FKBP14: variants seen among roughly 807,000 people sequenced by gnomAD.
The protein encoded by FKBP14 is peptidyl-prolyl cis-trans isomerase FKBP14.
Under a neutral mutation model 21.6 loss-of-function variants are expected in FKBP14, and 20 were observed. That is an observed-to-expected ratio of 0.92 (90% confidence interval 0.65 to 1.34). The LOEUF (loss-of-function observed/expected upper bound fraction) is 1.34. FKBP14 is among the 40% of genes most tolerant of loss of function. The pLI is 0.00. For missense variants in FKBP14, 253 were observed against 249.0 expected, an observed-to-expected ratio of 1.02 and a Z score of -0.11; for synonymous variants, 79 against 86.7, an observed-to-expected ratio of 0.91 and a Z score of 0.49.
chr7:30,015,888 G>T (rs975181224), intron 3 of FKBP14, among the ~76,000 whole-genome samples: 1 of 151,908 alleles, frequency 6.6e-6, no homozygotes, highest in African/African-American at 2.4e-5. Flanking sequence ...GCCTCCCAAA[G>T]TGCTGGGATT....
intron 3 of FKBP14, among the ~76,000 whole-genome samples, 155 bp downstream of exon 3, chr7:30,018,841 T>A (rs1395450082): frequency 6.6e-6 from 1 of 152,244 alleles, no homozygotes; most frequent in Non-Finnish European, 1.5e-5. Context: ...AGCATCAGTA[T>A]TTTAAGAAAA....
chr7:30,024,240 G>A (rs1790112732), intron 1 of FKBP14, among the ~76,000 whole-genome samples: 3 of 152,174 alleles, frequency 2.0e-5, no homozygotes, highest in Admixed American at 2.0e-4. Context: ...AATGCCAACT[G>A]TAGAAAATTT....
At chr7:30,024,752 G>A (rs930713666) in intron 1 of FKBP14, among the ~76,000 whole-genome samples, 13 of 152,172 alleles carry the variant, frequency 8.5e-5, no homozygotes, top group Non-Finnish European at 1.8e-4. Flanking sequence ...CCATTTACAT[G>A]GAGGCTGCAT....
In FKBP14 at chr7:30,010,673, C is replaced by T. The variant is rs1789699926; in HGVS notation, c.*4062G>A. 6.6e-6 allele frequency: 1 copy of T among 152,098 alleles called. No homozygotes were observed. The highest frequency in any genetic ancestry group is 1.5e-5 in the Non-Finnish European group (1 of 68,028). The allele number at this position is 152,098 out of a possible 1,614,324, so 9.4% of individuals were successfully genotyped here. ...TATGGCACACTGAGCAGTATTGACG[C>T]AAATTATATAGTCATGTAACCATGT... is the stretch of plus-strand genomic sequence containing the variant. On this transcript the variant is annotated 3_prime_UTR_variant, in exon 4 of 4. Coordinates refer to ENST00000222803, the MANE Select transcript of FKBP14 (RefSeq NM_017946.4).
intron 3 of FKBP14, among the ~76,000 whole-genome samples, chr7:30,017,337 A>T (rs1340720937): frequency 2.0e-5 from 3 of 152,026 alleles, no homozygotes; most frequent in African/African-American, 7.2e-5. Context: ...TTGGGAGGCC[A>T]AGGCAGGCGG....
downstream of FKBP14, among the ~76,000 whole-genome samples, chr7:30,010,349 A>G (rs1194018337): frequency 6.6e-6 from 1 of 152,224 alleles, no homozygotes; most frequent in Non-Finnish European, 1.5e-5. Flanking sequence ...ACTATTAACT[A>G]TCATGCTAAA....
intron 3 of FKBP14, among the ~76,000 whole-genome samples, chr7:30,017,824 C>T (rs191057827): frequency 6.6e-6 from 1 of 152,090 alleles, no homozygotes; most frequent in African/African-American, 2.4e-5. Context: ...ACCAGCCTGG[C>T]CAATATGGTG....
chr7:30,017,942 G>C (rs903289338), intron 3 of FKBP14, among the ~76,000 whole-genome samples: 1 of 152,058 alleles, frequency 6.6e-6, no homozygotes, highest in Non-Finnish European at 1.5e-5. Context: ...GTTGCAGTGA[G>C]CCGAGATTTT....
In FKBP14 at chr7:30,014,426, G is replaced by A. The variant is rs1348415420; in HGVS notation, c.*309C>T. On this transcript the variant is annotated 3_prime_UTR_variant, in exon 4 of 4. Coordinates refer to ENST00000222803, the MANE Select transcript of FKBP14 (RefSeq NM_017946.4). ...TTGTGCTATAACCTGGTCTCATGTC[G>A]TGGTATATTCCCAGTTGCAACATTT... The A allele has an allele frequency of 2.8e-5, 5 of 176,650 alleles. No individual in the cohort carries two copies. Among genetic ancestry groups the A allele is most frequent in the South Asian group, 3.9e-4 (2 of 5,190 alleles). The allele number at this position is 176,650 out of a possible 1,614,324, so 10.9% of individuals were successfully genotyped here.
At chr7:30,006,225 A>C (rs1789611102), downstream of FKBP14, among the ~76,000 whole-genome samples, 1 of 151,194 alleles carries the variant, frequency 6.6e-6, no homozygotes, top group Admixed American at 6.6e-5. Context: ...GGGCTCAAGC[A>C]ATCTTCCCAT....
At position 30,011,549 on chromosome 7, in the gene FKBP14, C is replaced by CTATATATATATATACCATATATATGG. The variant is rs1562834323; in HGVS notation, c.*3160_*3185dup. On this transcript the variant is annotated 3_prime_UTR_variant, in exon 4 of 4. Transcript: ENST00000222803. ...TATACACACACCATATATATATATA[C>CTATATATATATATACCATATATATGG]TATATATATATATACCATATATATG... 1.6e-4 allele frequency: 20 copies of CTATATATATATATACCATATATATGG among 125,396 alleles called. No individual in the cohort carries two copies. The highest frequency in any genetic ancestry group is 5.8e-4 in the African/African-American group (19 of 32,680). 7.8% of individuals were successfully genotyped at this position (125,396 alleles called of 1,614,324 possible).
intron 3 of FKBP14, among the ~76,000 whole-genome samples, chr7:30,015,415 CAAAAAAAT>C (rs1381017176): frequency 7.5e-5 from 11 of 147,466 alleles, no homozygotes; most frequent in Admixed American, 3.4e-4. Context: ...GAGACTCTGT[CAAAAAAAT>C]AAAAAATTAA....
rs974347448 is a variant in FKBP14, at chr7:30,020,292, A to G, written c.350-1169T>C. 5 of 1,285,354 alleles carry G rather than the reference A, an allele frequency of 3.9e-6. No individual in the cohort carries two copies. The South Asian group carries it at 5.1e-5, about 13-fold the overall frequency. 79.6% of individuals were successfully genotyped at this position (1,285,354 alleles called of 1,614,324 possible). A position where few individuals can be genotyped will look rare whatever the true frequency, so the allele number is the denominator to read the frequency against. ...ATCTTTCCAAAAGAGGCATGCAAGCATGTACTAAAAGACTACAAAATTAGT... is the reference window on the plus strand; with the variant it reads ...ATCTTTCCAAAAGAGGCATGCAAGCGTGTACTAAAAGACTACAAAATTAGT... On this transcript the variant is annotated intron_variant, in intron 2 of 3. Transcript: ENST00000222803.
At chr7:30,007,825 G>A (rs1450107200), downstream of FKBP14, among the ~76,000 whole-genome samples, 2 of 152,198 alleles carry the variant, frequency 1.3e-5, no homozygotes, top group African/African-American at 4.8e-5. Flanking sequence ...GAGGTGGGGG[G>A]ATCACTTGAG....
intron 1 of FKBP14, among the ~76,000 whole-genome samples, 165 bp from the exon 2 acceptor site, chr7:30,022,981 G>A (rs1473407294): frequency 6.6e-6 from 1 of 152,144 alleles, no homozygotes; most frequent in Non-Finnish European, 1.5e-5. Context: ...CAAGTTTATA[G>A]GAATTCAATT....
rs754540940 is a variant in FKBP14, at chr7:30,019,017, GTCA to G, written c.453_455del (p.Asp152del). The G allele has an allele frequency of 6.2e-7, 1 of 1,609,338 alleles. No homozygotes were observed. The highest frequency in any genetic ancestry group is 1.1e-5 in the South Asian group (1 of 90,010). ...TCACCTCATCTTTAGAGAGTTTCCA[GTCA>G]TCATTAAGATCCATTTCTTGGAATG... is the stretch of plus-strand genomic sequence containing the variant. On this transcript the variant is annotated inframe_deletion, in exon 3 of 4. Coordinates refer to ENST00000222803, the MANE Select transcript of FKBP14 (RefSeq NM_017946.4).
chr7:30,007,964 G>T (rs1242733244), downstream of FKBP14, among the ~76,000 whole-genome samples: 2 of 152,098 alleles, frequency 1.3e-5, no homozygotes, highest in Admixed American at 1.3e-4. Context: ...CAGGAGAATC[G>T]CTTGAACCTG....
chr7:30,018,879 A>G, intron 3 of FKBP14, 117 bp downstream of exon 3: 1 of 1,028,006 alleles, frequency 9.7e-7, no homozygotes. Context: ...CCTAAATAAA[A>G]GTAGATTTGA....
chr7:30,006,060 C>T (rs908886745), downstream of FKBP14, among the ~76,000 whole-genome samples: 1 of 149,964 alleles, frequency 6.7e-6, no homozygotes, highest in African/African-American at 2.5e-5. Context: ...ATATACATGA[C>T]ATACACACAC....
Sources: gnomAD v4.1 joint callset for allele counts (sites outside exome capture counted in the v4.1 genomes callset) on GRCh38, gnomAD v4.1.1 for gene constraint, MANE v1.5 for transcripts, NCBI Gene and HGNC (gene_info 2026-07-23, HGNC 2026-07-21) for gene names.